PDE7B: variants seen among roughly 807,000 people sequenced by gnomAD.
The protein encoded by PDE7B is 3',5'-cyclic-AMP phosphodiesterase 7B.
In PDE7B, 29 loss-of-function variants were observed where a neutral mutation model predicts 56.2. The observed-to-expected ratio is 0.52, with a 90% CI of 0.38 to 0.70. PDE7B has a LOEUF of 0.70. PDE7B is among the 30% of genes least tolerant of loss of function. The pLI, the probability that PDE7B is intolerant of heterozygous loss-of-function variation, is 0.00. For missense variants in PDE7B, 490 were observed against 565.0 expected, an observed-to-expected ratio of 0.87 and a Z score of 1.35; for synonymous variants, 197 against 196.9, an observed-to-expected ratio of 1.00 and a Z score of 0.00.
chr6:135,969,804 C>T (rs11154838), intron 2 of PDE7B, among the ~76,000 whole-genome samples: 47,037 of 151,962 alleles, frequency 0.31, 7,639 homozygotes, highest in Non-Finnish European at 0.36. Flanking sequence ...CTATCATCAG[C>T]GTCTGAGTCA....
rs1562507685 is a variant in PDE7B at position 136,154,058 on chromosome 6, A to T, written c.479-17A>T. ...TATTTGGGTTTTAGTTGATTGAGTT[A>T]TCTGTTTACCTCCCAGTCATGGTTC... On this transcript the variant is annotated splice_polypyrimidine_tract_variant and intron_variant, in intron 6 of 12. Coordinates refer to ENST00000308191, the MANE Select transcript of PDE7B (RefSeq NM_018945.4). 6.3e-7 allele frequency: 1 copy of T among 1,574,938 alleles called. No homozygotes were observed. The highest frequency in any genetic ancestry group is 8.7e-7 in the Non-Finnish European group (1 of 1,144,800).
intron 3 of PDE7B, among the ~76,000 whole-genome samples, chr6:136,116,252 G>A (rs943855203): frequency 5.3e-5 from 8 of 152,268 alleles, no homozygotes; most frequent in East Asian, 1.9e-4. Flanking sequence ...AGGACATAAC[G>A]TCATTAAGTA....
At chr6:136,113,904 C>T (rs1020822299) in intron 3 of PDE7B, among the ~76,000 whole-genome samples, 2 of 152,166 alleles carry the variant, frequency 1.3e-5, no homozygotes, top group African/African-American at 2.4e-5. Context: ...GAGATGTTCC[C>T]GTGGCAACCA....
At chr6:135,907,886 A>G (rs1776144094) in intron 1 of PDE7B, among the ~76,000 whole-genome samples, 1 of 152,170 alleles carries the variant, frequency 6.6e-6, no homozygotes. Flanking sequence ...GGAAATGGGC[A>G]AAAGATTGAA....
intron 1 of PDE7B, among the ~76,000 whole-genome samples, chr6:135,864,744 T>G (rs926355997): frequency 2.2e-4 from 34 of 152,060 alleles, no homozygotes; most frequent in African/African-American, 7.2e-4. Flanking sequence ...TTTTCATTAA[T>G]TATCTCTTTC....
At chr6:136,080,613 T>C (rs1441880527) in intron 2 of PDE7B, among the ~76,000 whole-genome samples, 1 of 152,206 alleles carries the variant, frequency 6.6e-6, no homozygotes, top group Admixed American at 6.5e-5. Flanking sequence ...GCCATTTTTG[T>C]TCAGTAGATA....
At chr6:135,974,181 A>T (rs948566994) in intron 2 of PDE7B, among the ~76,000 whole-genome samples, 3 of 152,164 alleles carry the variant, frequency 2.0e-5, no homozygotes, top group African/African-American at 7.2e-5. Context: ...GGACACTGTT[A>T]TGTGATTCCC....
At chr6:135,855,337 G>A (rs1280767003) in intron 1 of PDE7B, among the ~76,000 whole-genome samples, 5 of 152,126 alleles carry the variant, frequency 3.3e-5, no homozygotes, top group Admixed American at 6.5e-5. Context: ...ATTAGGAAAC[G>A]TATTCTGGTT....
chr6:136,012,160 A>G (rs1333747364), intron 2 of PDE7B, among the ~76,000 whole-genome samples: 3 of 151,874 alleles, frequency 2.0e-5, no homozygotes, highest in Non-Finnish European at 4.4e-5. Context: ...CTCCCTTCCC[A>G]GCCCCTGCCT....
chr6:135,964,824 A>C (rs1774963347), intron 2 of PDE7B, among the ~76,000 whole-genome samples: 2 of 152,198 alleles, frequency 1.3e-5, no homozygotes, highest in African/African-American at 4.8e-5. Flanking sequence ...GACAGTAAAC[A>C]GTATAAAAAA....
intron 3 of PDE7B, among the ~76,000 whole-genome samples, chr6:136,128,505 G>C (rs1290304844): frequency 6.6e-6 from 1 of 152,014 alleles, no homozygotes; most frequent in African/African-American, 2.4e-5. Flanking sequence ...TATAAACCTG[G>C]AATAATGATA....
At chr6:136,105,688 C>T (rs947053196) in intron 2 of PDE7B, among the ~76,000 whole-genome samples, 1 of 152,316 alleles carries the variant, frequency 6.6e-6, no homozygotes, top group South Asian at 2.1e-4. Flanking sequence ...AACTGGACTT[C>T]AGAGTGATTA....
chr6:136,071,436 G>T (rs372800197), intron 2 of PDE7B: 1 of 152,184 alleles, frequency 6.6e-6, no homozygotes, highest in Non-Finnish European at 1.5e-5. Context: ...TATCAGAAAG[G>T]TTGGACAAGA....
intron 2 of PDE7B, among the ~76,000 whole-genome samples, chr6:135,970,442 G>A (rs1005895177): frequency 3.6e-5 from 4 of 112,384 alleles, no homozygotes; most frequent in Non-Finnish European, 3.5e-5. Flanking sequence ...GCAAAATTAT[G>A]TGGGGTCTAG....
chr6:136,015,469 A>G (rs1303578243), intron 2 of PDE7B, among the ~76,000 whole-genome samples: 1 of 152,208 alleles, frequency 6.6e-6, no homozygotes, highest in Non-Finnish European at 1.5e-5. Context: ...GCTACAACTA[A>G]TTTGCACTTT....
intron 2 of PDE7B, among the ~76,000 whole-genome samples, chr6:136,101,418 A>C (rs544991770): frequency 6.6e-6 from 1 of 152,090 alleles, no homozygotes. Context: ...TTGGTAGGCT[A>C]TTCATTATTG....
intron 2 of PDE7B, among the ~76,000 whole-genome samples, chr6:135,991,219 A>G (rs1775473926): frequency 6.6e-6 from 1 of 152,080 alleles, no homozygotes; most frequent in African/African-American, 2.4e-5. Context: ...ATCCTATCTC[A>G]TCCTGTAACT....
At chr6:136,119,194 T>C (rs1777888160) in intron 3 of PDE7B, among the ~76,000 whole-genome samples, 1 of 152,186 alleles carries the variant, frequency 6.6e-6, no homozygotes, top group African/African-American at 2.4e-5. Flanking sequence ...AAACAATTTC[T>C]CAAAATGTTT....
At chr6:136,014,544 A>G (rs1415825880) in intron 2 of PDE7B, among the ~76,000 whole-genome samples, 2 of 152,208 alleles carry the variant, frequency 1.3e-5, no homozygotes, top group African/African-American at 2.4e-5. Flanking sequence ...TAAGCTGGTT[A>G]TATTTCAAAG....
Sources: gnomAD v4.1 joint callset for allele counts (sites outside exome capture counted in the v4.1 genomes callset) on GRCh38, gnomAD v4.1.1 for gene constraint, MANE v1.5 for transcripts, NCBI Gene and HGNC (gene_info 2026-07-23, HGNC 2026-07-21) for gene names.